The following DTWD2 variants were observed in gnomAD, a reference collection of about 807,000 sequenced individuals.
The protein encoded by DTWD2 is tRNA-uridine aminocarboxypropyltransferase 2.
In DTWD2, 39 loss-of-function variants were observed where a neutral mutation model predicts 31.8. That is an observed-to-expected ratio of 1.22 (90% CI 0.95 to 1.60). The LOEUF (loss-of-function observed/expected upper bound fraction) is 1.60. Ranked by LOEUF, DTWD2 falls within the 40% of genes most tolerant of loss-of-function variation. The pLI is 0.00. For synonymous variants in DTWD2, 180 were observed against 142.8 expected, an observed-to-expected ratio of 1.26 and a Z score of -1.86; for missense variants, 515 against 381.5, an observed-to-expected ratio of 1.35 and a Z score of -2.92.
intron 1 of DTWD2, among the ~76,000 whole-genome samples, chr5:118,961,660 TTAAAG>T (rs1201179703): frequency 1.3e-5 from 2 of 152,208 alleles, no homozygotes; most frequent in African/African-American, 4.8e-5. Context: ...GAATCAAAGA[TTAAAG>T]TAAAGATATT....
Position 118,939,226 on chromosome 5 carries a change from A to T in DTWD2, c.374T>A (p.Val125Glu). 2 of 1,606,462 alleles carry T rather than the reference A, an allele frequency of 1.2e-6. No homozygotes were observed. The highest frequency in any genetic ancestry group is 1.1e-5 in the South Asian group (1 of 89,968). ...TTCACTGAAGCGACGACCGATCTTC[A>T]CTTTACACTTGTCCTGGGGGAGGCA... ...AACLPQDKCK[V>E]KIGRRFSEER... The change falls in exon 3 of 6, where the codon GTG (valine) becomes GAG (glutamate). Residue 125 changes from valine to glutamate, a missense_variant. Transcript: ENST00000510708.
chr5:118,871,869 T>C (rs1160762151), intron 4 of DTWD2, among the ~76,000 whole-genome samples: 1 of 152,172 alleles, frequency 6.6e-6, no homozygotes, highest in East Asian at 1.9e-4. Flanking sequence ...CAGGCACTGA[T>C]TTCTCTCTTG....
Position 118,916,170 on chromosome 5 carries a change from T to C in DTWD2, c.597+12367A>G, listed in dbSNP as rs192249898. ...ATTCAGACCCACAGTATGAAGACTG[T>C]TGGATAAAAAGGTTAGCTGTATAAA... On this transcript the variant is annotated intron_variant, in intron 4 of 5. Transcript: ENST00000510708. Among the ~76,000 whole-genome samples the C allele has an allele frequency of 2.2e-3, 328 of 152,306 alleles. 1 individual carries two copies. Among genetic ancestry groups the C allele is most frequent in the African/African-American group, 7.3e-3 (302 of 41,556 alleles).
chr5:118,843,251 G>A (rs557564986), intron 5 of DTWD2, among the ~76,000 whole-genome samples: 4 of 151,392 alleles, frequency 2.6e-5, no homozygotes, highest in South Asian at 2.1e-4. Context: ...CACCGCATCC[G>A]GCCCAGAATA....
intron 4 of DTWD2, among the ~76,000 whole-genome samples, chr5:118,921,848 AT>A (rs1050866111): frequency 1.3e-5 from 2 of 152,220 alleles, no homozygotes; most frequent in Admixed American, 6.5e-5. Context: ...AATAAAAAGA[AT>A]AACGACGTGT....
chr5:118,866,446 C>G lies in DTWD2; in HGVS notation c.598-18228G>C, dbSNP rs569769982. ...AACACTGATGCAAAAATTCTGCAGT[C>G]TTCATAAGCAAATTGAATCCAGCAG... On this transcript the variant is annotated intron_variant, in intron 4 of 5. Transcript: ENST00000510708. Among the ~76,000 whole-genome samples, 112 of 152,172 alleles carry G rather than the reference C, an allele frequency of 7.4e-4. No homozygotes were observed. The South Asian group carries it at 0.022, about 30-fold the overall frequency.
At chr5:118,871,220 T>C (rs902358225) in intron 4 of DTWD2, among the ~76,000 whole-genome samples, 2 of 152,198 alleles carry the variant, frequency 1.3e-5, no homozygotes, top group Non-Finnish European at 2.9e-5. Flanking sequence ...AGTTCTCTTG[T>C]TATTTTCACT....
At chr5:118,885,677 A>G (rs1397610465) in intron 4 of DTWD2, among the ~76,000 whole-genome samples, 1 of 151,424 alleles carries the variant, frequency 6.6e-6, no homozygotes, top group African/African-American at 2.4e-5. Context: ...TGGGCAGGAG[A>G]GTTTCTTGAA....
intron 1 of DTWD2, chr5:118,973,873 G>A (rs1234119045): frequency 9.3e-6 from 15 of 1,611,568 alleles, no homozygotes; most frequent in Non-Finnish European, 1.3e-5. Flanking sequence ...TTGTGGAAGA[G>A]GCAGAAAATG....
At chr5:118,986,756 A>G (rs554261235) in intron 1 of DTWD2, among the ~76,000 whole-genome samples, 1 of 152,302 alleles carries the variant, frequency 6.6e-6, no homozygotes, top group South Asian at 2.1e-4. Flanking sequence ...ATGCATAGCA[A>G]GAGGGAGGAG....
At chr5:118,987,994 C>A in intron 1 of DTWD2, 2 of 672,390 alleles carry the variant, frequency 3.0e-6, no homozygotes, top group Non-Finnish European at 5.4e-6. Flanking sequence ...GTATTACTGT[C>A]ATCACCCCTT....
At chr5:118,985,814 CAGAAA>C (rs1755414432) in intron 1 of DTWD2, among the ~76,000 whole-genome samples, 1 of 152,062 alleles carries the variant, frequency 6.6e-6, no homozygotes. Flanking sequence ...TTGAAAAGTT[CAGAAA>C]ACACTTTTTG....
chr5:118,905,813 A>C (rs1753314888), intron 4 of DTWD2, among the ~76,000 whole-genome samples: 1 of 152,170 alleles, frequency 6.6e-6, no homozygotes, highest in South Asian at 2.1e-4. Context: ...TGAGCTAACT[A>C]ATCTGGTAGA....
intron 4 of DTWD2, among the ~76,000 whole-genome samples, chr5:118,885,456 C>CA (rs34550372): frequency 0.22 from 12,329 of 56,748 alleles, 1,191 homozygotes; most frequent in East Asian, 0.45. Flanking sequence ...GACTCCACCT[C>CA]AAAAAAAAAA....
chr5:118,892,030 T>C (rs1047101031), intron 4 of DTWD2, among the ~76,000 whole-genome samples: 1 of 152,186 alleles, frequency 6.6e-6, no homozygotes, highest in South Asian at 2.1e-4. Flanking sequence ...TTTAATAATA[T>C]TTTATTTAAC....
intron 4 of DTWD2, among the ~76,000 whole-genome samples, chr5:118,877,487 A>T (rs879408023): frequency 4.0e-5 from 6 of 151,826 alleles, no homozygotes; most frequent in Non-Finnish European, 8.8e-5. Context: ...TAAAAAAAAT[A>T]AAAAAAATAA....
intron 1 of DTWD2, among the ~76,000 whole-genome samples, chr5:118,967,029 CAA>C (rs1428318068): frequency 9.4e-5 from 7 of 74,304 alleles, no homozygotes; most frequent in Admixed American, 3.1e-4. Flanking sequence ...GACTCCATCT[CAA>C]AAAAAAAAAA....
intron 1 of DTWD2, among the ~76,000 whole-genome samples, chr5:118,984,677 T>C (rs186849877): frequency 1.6e-4 from 25 of 152,328 alleles, no homozygotes; most frequent in Admixed American, 3.3e-4. Context: ...TCAGGGTCTA[T>C]CTGATTCAGT....
intron 4 of DTWD2, among the ~76,000 whole-genome samples, chr5:118,877,790 G>C (rs921913162): frequency 5.9e-5 from 9 of 152,132 alleles, no homozygotes; most frequent in African/African-American, 2.2e-4. Flanking sequence ...CCTATAGCTA[G>C]AAAACCCCAG....
Sources: gnomAD v4.1 joint callset for allele counts (sites outside exome capture counted in the v4.1 genomes callset) on GRCh38, gnomAD v4.1.1 for gene constraint, MANE v1.5 for transcripts, NCBI Gene and HGNC (gene_info 2026-07-23, HGNC 2026-07-21) for gene names.